DAB1: variants seen among roughly 807,000 people sequenced by gnomAD.
DAB1 encodes DAB adaptor protein 1.
DAB1 carries 15 observed loss-of-function variants against 64.6 expected under a neutral mutation model. The ratio of observed to expected loss-of-function variants is 0.23; its 90% CI spans 0.16 to 0.36. The LOEUF (loss-of-function observed/expected upper bound fraction) is 0.36. DAB1 is among the 10% of genes least tolerant of loss of function. The pLI, the probability that DAB1 is intolerant of heterozygous loss-of-function variation, is 1.00. For synonymous variants in DAB1, 235 were observed against 251.9 expected (o/e 0.93, Z 0.64); for missense variants, 596 against 706.7 (o/e 0.84, Z 1.78).
At chr1:58,386,734 T>C (rs970988715) in intron 3 of DAB1, among the ~76,000 whole-genome samples, 2 of 152,196 alleles carry the variant, frequency 1.3e-5, no homozygotes, top group African/African-American at 4.8e-5. Flanking sequence ...TAGAAGGCTG[T>C]CATACAGATC....
intron 4 of DAB1, among the ~76,000 whole-genome samples, chr1:57,093,023 G>T (rs183061986): frequency 1.3e-4 from 20 of 152,272 alleles, no homozygotes; most frequent in Non-Finnish European, 2.2e-4. Context: ...GGAAAAGCAA[G>T]TACAGGGCCT....
chr1:57,194,145 G>C (rs1664414724), intron 2 of DAB1, among the ~76,000 whole-genome samples: 2 of 152,218 alleles, frequency 1.3e-5, no homozygotes, highest in African/African-American at 4.8e-5. Context: ...GAATCATCTG[G>C]AGGGCTTGTT....
At chr1:57,369,785 C>T (rs1680349883) in intron 1 of DAB1, among the ~76,000 whole-genome samples, 1 of 152,058 alleles carries the variant, frequency 6.6e-6, no homozygotes, top group Non-Finnish European at 1.5e-5. Flanking sequence ...TAACTCAAGG[C>T]CAGAGACCTA....
intron 9 of DAB1, among the ~76,000 whole-genome samples, chr1:57,057,659 G>A (rs917610669): frequency 3.3e-5 from 5 of 150,170 alleles, no homozygotes; most frequent in African/African-American, 9.9e-5. Context: ...CCAGGCTGGA[G>A]TGCAGTGGCA....
chr1:57,614,787 A>G (rs1645769500), intron 7 of DAB1, among the ~76,000 whole-genome samples: 1 of 151,156 alleles, frequency 6.6e-6, no homozygotes, highest in South Asian at 2.1e-4. Context: ...TACTAATGTG[A>G]ATTTTGTTTC....
At chr1:57,938,517 G>A (rs562055665) in intron 5 of DAB1, among the ~76,000 whole-genome samples, 46 of 152,146 alleles carry the variant, frequency 3.0e-4, no homozygotes, top group African/African-American at 7.0e-4. Flanking sequence ...GTCTCTTCCC[G>A]CTTCACTTGT....
chr1:57,846,795 C>A (rs72666111), intron 1 of DAB1, among the ~76,000 whole-genome samples: 1 of 152,078 alleles, frequency 6.6e-6, no homozygotes, highest in Non-Finnish European at 1.5e-5. Context: ...AGTAAGAGAA[C>A]GAAACACATA....
At chr1:57,325,711 T>A (rs1035750902) in intron 1 of DAB1, among the ~76,000 whole-genome samples, 3 of 152,208 alleles carry the variant, frequency 2.0e-5, no homozygotes, top group Non-Finnish European at 2.9e-5. Flanking sequence ...AACAGTTGTT[T>A]AAGTGAATTA....
At chr1:57,080,213 A>C (rs1200406731) in intron 4 of DAB1, among the ~76,000 whole-genome samples, 1 of 152,234 alleles carries the variant, frequency 6.6e-6, no homozygotes, top group East Asian at 1.9e-4. Flanking sequence ...ACCATTAAAC[A>C]ACTTCCCATT....
chr1:58,014,999 T>C (rs770495040), intron 5 of DAB1, among the ~76,000 whole-genome samples: 5 of 152,202 alleles, frequency 3.3e-5, no homozygotes, highest in Non-Finnish European at 7.3e-5. Context: ...TATGGTGAAT[T>C]GGCTGCTTTT....
At chr1:57,946,282 A>T (rs543115043) in intron 5 of DAB1, among the ~76,000 whole-genome samples, 3 of 152,216 alleles carry the variant, frequency 2.0e-5, no homozygotes, top group Non-Finnish European at 4.4e-5. Flanking sequence ...TGGGGCAGAC[A>T]ACTAACTATA....
intron 7 of DAB1, among the ~76,000 whole-genome samples, chr1:57,632,059 T>C (rs1170183149): frequency 6.6e-6 from 1 of 152,136 alleles, no homozygotes; most frequent in Non-Finnish European, 1.5e-5. Flanking sequence ...GAGTAGAAGA[T>C]ATTGTCTGAG....
chr1:57,857,875 A>G (rs1270990835), intron 1 of DAB1, among the ~76,000 whole-genome samples: 6 of 147,246 alleles, frequency 4.1e-5, no homozygotes, highest in Non-Finnish European at 7.5e-5. Flanking sequence ...AAGAAAAAAG[A>G]AAAAAAAAAG....
intron 7 of DAB1, among the ~76,000 whole-genome samples, chr1:57,560,589 G>A (rs1645038749): frequency 6.6e-6 from 1 of 152,206 alleles, no homozygotes; most frequent in Non-Finnish European, 1.5e-5. Context: ...ATTTGGGTGT[G>A]TTACTCCAGC....
chr1:58,390,232 C>T (rs572460337), intron 3 of DAB1, among the ~76,000 whole-genome samples: 2 of 152,212 alleles, frequency 1.3e-5, no homozygotes, highest in South Asian at 2.1e-4. Flanking sequence ...ATACCCCACC[C>T]CACCCCTACC....
chr1:58,448,394 A>T (rs1480849253), intron 3 of DAB1, among the ~76,000 whole-genome samples: 1 of 152,226 alleles, frequency 6.6e-6, no homozygotes, highest in East Asian at 1.9e-4. Context: ...GCCTGTGGTC[A>T]ATTTTACAAT....
At chr1:58,134,233 G>A (rs1408179794) in intron 5 of DAB1, among the ~76,000 whole-genome samples, 1 of 152,212 alleles carries the variant, frequency 6.6e-6, no homozygotes, top group Non-Finnish European at 1.5e-5. Context: ...AAGGCTTGCT[G>A]TCTGCTTCCA....
At chr1:57,682,920 C>T (rs1305123276) in intron 6 of DAB1, among the ~76,000 whole-genome samples, 1 of 152,160 alleles carries the variant, frequency 6.6e-6, no homozygotes, top group Non-Finnish European at 1.5e-5. Context: ...CTCCCAGGGC[C>T]CTGTCTAGCT....
rs530211751 is a variant in DAB1 at position 57,245,497 on chromosome 1, G to A, written c.67+45467C>T. Among the ~76,000 whole-genome samples, 301 of 152,006 alleles carry A rather than the reference G, an allele frequency of 2.0e-3. 1 individual carries two copies. Among genetic ancestry groups the A allele is most frequent in the African/African-American group, 6.9e-3 (284 of 41,434 alleles). ...CTTCCTGTGTCCATGTGTTCTCATTGTTCAATTCCCACCTATGAGTGAGAA... is the reference window on the plus strand; with the variant it reads ...CTTCCTGTGTCCATGTGTTCTCATTATTCAATTCCCACCTATGAGTGAGAA... On this transcript the variant is annotated intron_variant, in intron 2 of 14. Transcript: ENST00000371236.
Sources: gnomAD v4.1 joint callset for allele counts (sites outside exome capture counted in the v4.1 genomes callset) on GRCh38, gnomAD v4.1.1 for gene constraint, MANE v1.5 for transcripts, NCBI Gene and HGNC (gene_info 2026-07-23, HGNC 2026-07-21) for gene names.